SLC9D1: variants seen among roughly 807,000 people sequenced by gnomAD.
The protein encoded by SLC9D1 is solute carrier family 9 member D1.
the SLC9D1 span, among the ~76,000 whole-genome samples, chr13:113,502,427 C>T: frequency 2.0e-5 from 3 of 152,110 alleles, no homozygotes; most frequent in Non-Finnish European, 2.9e-5. Context: ...GTTAGTCAGA[C>T]TGGTCTTGAA....
At chr13:113,539,461 C>T in the SLC9D1 span, 10 of 1,613,530 alleles carry the variant, frequency 6.2e-6, no homozygotes, top group African/African-American at 8.0e-5. The surrounding 1 kb of genome is among the most constrained non-coding windows in gnomAD (Gnocchi z 4.8). Context: ...CCACCTCCAT[C>T]GAACCCATCC....
At chr13:113,495,725 G>A in the SLC9D1 span, 1 of 1,613,620 alleles carries the variant, frequency 6.2e-7, no homozygotes, top group South Asian at 1.1e-5. Context: ...AGAGCCGGCA[G>A]TGGGTCCGGG....
the SLC9D1 span, chr13:113,547,289 G>A: frequency 2.5e-6 from 4 of 1,612,742 alleles, no homozygotes; most frequent in South Asian, 3.3e-5. Context: ...TGTCTGTCCT[G>A]TTCCCAACAG....
chr13:113,543,115 A>C, the SLC9D1 span, among the ~76,000 whole-genome samples: 10,035 of 41,354 alleles, frequency 0.24, 1,368 homozygotes, highest in African/African-American at 0.49. Context: ...CCCTGCCCCC[A>C]GCCCTCCCTG....
chr13:113,518,057 A>G, the SLC9D1 span, among the ~76,000 whole-genome samples: 3 of 152,256 alleles, frequency 2.0e-5, no homozygotes, highest in African/African-American at 7.2e-5. Context: ...TAATAAAAGG[A>G]ATGGAAAACA....
chr13:113,500,889 C>T, the SLC9D1 span, among the ~76,000 whole-genome samples: 1 of 152,310 alleles, frequency 6.6e-6, no homozygotes, highest in East Asian at 1.9e-4. Flanking sequence ...AGGGCTGGGG[C>T]TGCCGAGTGA....
the SLC9D1 span, among the ~76,000 whole-genome samples, chr13:113,537,901 GTGCA>G: frequency 2.0e-5 from 3 of 151,986 alleles, no homozygotes; most frequent in Non-Finnish European, 4.4e-5. Context: ...GTGTGTGTGC[GTGCA>G]TGTGCATGTG....
the SLC9D1 span, chr13:113,503,805 T>C: frequency 1.8e-6 from 1 of 541,830 alleles, no homozygotes. Context: ...GAATTTGCCT[T>C]CACATGGCTA....
the SLC9D1 span, chr13:113,547,133 A>G: frequency 1.6e-6 from 1 of 627,942 alleles, no homozygotes; most frequent in South Asian, 1.9e-5. Context: ...TTCGCTCAGG[A>G]AAGGGGCGGC....
chr13:113,548,548 G>A, the SLC9D1 span: 1 of 1,361,298 alleles, frequency 7.3e-7, no homozygotes, highest in South Asian at 1.4e-5. Context: ...CAGCACAGCG[G>A]GGCCTGGGGG....
the SLC9D1 span, among the ~76,000 whole-genome samples, chr13:113,516,565 C>CAAA: frequency 1.1e-5 from 1 of 87,152 alleles, no homozygotes; most frequent in African/African-American, 5.3e-5. Context: ...GACTCCATCT[C>CAAA]AAAAAAAAAA....
At chr13:113,535,807 T>G in the SLC9D1 span, among the ~76,000 whole-genome samples, 1 of 151,478 alleles carries the variant, frequency 6.6e-6, no homozygotes, top group Non-Finnish European at 1.5e-5. This position sits in a 1 kb window ranked among gnomAD's most constrained non-coding sequence, Gnocchi z 4.1. Context: ...TGGCACTCGC[T>G]GTCTTCGCTG....
the SLC9D1 span, chr13:113,498,674 C>T: frequency 1.7e-6 from 1 of 594,674 alleles, no homozygotes; most frequent in South Asian, 2.5e-5. Context: ...ATAATTTGGT[C>T]TTGTAGAAGT....
the SLC9D1 span, chr13:113,491,365 G>A: frequency 1.3e-5 from 2 of 149,814 alleles, no homozygotes; most frequent in African/African-American, 5.0e-5. Flanking sequence ...CTCCCTCCCC[G>A]GGGCTCACCT....
the SLC9D1 span, among the ~76,000 whole-genome samples, chr13:113,532,372 A>G: frequency 6.6e-6 from 1 of 152,068 alleles, no homozygotes; most frequent in South Asian, 2.1e-4. Context: ...CTGTTGGGAG[A>G]AGAGTCTAGG....
chr13:113,518,239 C>G, the SLC9D1 span, among the ~76,000 whole-genome samples: 102 of 152,264 alleles, frequency 6.7e-4, no homozygotes, highest in African/African-American at 2.4e-3. Flanking sequence ...GTCACTACTC[C>G]GAGCACTTGT....
chr13:113,510,490 A>G, the SLC9D1 span: 1 of 1,498,428 alleles, frequency 6.7e-7, no homozygotes, highest in Non-Finnish European at 9.1e-7. Flanking sequence ...TTTTGGATTC[A>G]CAGTTGAGGG....
chr13:113,494,720 A>C, the SLC9D1 span, among the ~76,000 whole-genome samples: 1 of 152,058 alleles, frequency 6.6e-6, no homozygotes, highest in Non-Finnish European at 1.5e-5. Flanking sequence ...CTGACTTTGG[A>C]AATGTGGCAA....
At chr13:113,517,429 C>A in the SLC9D1 span, among the ~76,000 whole-genome samples, 1 of 152,076 alleles carries the variant, frequency 6.6e-6, no homozygotes, top group Non-Finnish European at 1.5e-5. Context: ...GGGGTTTCAC[C>A]GTGTTAGCCA....
Sources: allele counts gnomAD v4.1 joint callset (sites outside exome capture counted in the v4.1 genomes callset), GRCh38; gene constraint gnomAD v4.1.1; non-coding constraint Gnocchi (gnomAD v3.1); transcripts MANE v1.5; gene names NCBI Gene and HGNC (gene_info 2026-07-23, HGNC 2026-07-21).